RNLS: variants seen among roughly 807,000 people sequenced by gnomAD.
The protein encoded by RNLS is renalase, FAD dependent amine oxidase, also known as renalase.
In RNLS, 39 loss-of-function variants were observed where a neutral mutation model predicts 39.8. The observed-to-expected ratio is 0.98, with a 90% CI of 0.76 to 1.28. RNLS has a LOEUF of 1.28. RNLS is among the 50% of genes most tolerant of loss of function. The pLI is 0.00. For synonymous variants in RNLS, 147 were observed against 150.7 expected (o/e 0.98, Z 0.18); for missense variants, 410 against 413.3 (o/e 0.99, Z 0.07).
At chr10:88,353,694 T>C (rs1848915415) in intron 5 of RNLS, among the ~76,000 whole-genome samples, 1 of 152,236 alleles carries the variant, frequency 6.6e-6, no homozygotes, top group African/African-American at 2.4e-5. Context: ...TCTGTTGATT[T>C]GAGGTGGAGA....
intron 2 of RNLS, among the ~76,000 whole-genome samples, chr10:88,581,994 A>G (rs1386864042): frequency 6.6e-6 from 1 of 152,266 alleles, no homozygotes; most frequent in African/African-American, 2.4e-5. Context: ...ATGAAAACAA[A>G]CAAATGTATT....
rs934387640 is a variant in RNLS at position 88,583,271 on chromosome 10, G to A, written c.-81C>T. The A allele has an allele frequency of 1.3e-6, 2 of 1,573,614 alleles. No individual in the cohort carries two copies. Among genetic ancestry groups the A allele is most frequent in the African/African-American group, 1.4e-5 (1 of 74,056 alleles). ...GGCTTTCTGGAAAGGCGGCCGAACC[G>A]GCGCTAGCGCTCTTTGGTTCCGTGC... On this transcript the variant is annotated 5_prime_UTR_variant, in exon 1 of 7. Transcript: ENST00000331772.
chr10:88,362,633 C>T lies in RNLS; in HGVS notation c.619G>A (p.Asp207Asn), dbSNP rs1820575691. 1.2e-6 allele frequency: 2 copies of T among 1,613,928 alleles called. No homozygotes were observed. The highest frequency in any genetic ancestry group is 8.5e-7 in the Non-Finnish European group (1 of 1,179,918). ...GLFYEAGTKI[D>N]VPWAGQYITS... Reference sequence around the variant, plus strand: ...ATGTACTGCCCAGCCCAAGGGACATCAATCTTCGTACCAGCTTCATAAAAG... The same window carrying T: ...ATGTACTGCCCAGCCCAAGGGACATTAATCTTCGTACCAGCTTCATAAAAG... Residue 207 changes from aspartate to asparagine, a missense_variant, in exon 5 of 7, where the codon GAT (aspartate) becomes AAT (asparagine). Transcript: ENST00000331772.
chr10:88,314,324 G>A (rs1334811399), intron 6 of RNLS, 142 bp downstream of exon 6: 5 of 788,298 alleles, frequency 6.3e-6, no homozygotes, highest in Non-Finnish European at 8.0e-6. Flanking sequence ...TTATATTTAT[G>A]TGTTGGGCAA....
At chr10:88,215,222 T>C in the RNLS span, among the ~76,000 whole-genome samples, 1 of 151,960 alleles carries the variant, frequency 6.6e-6, no homozygotes, top group African/African-American at 2.4e-5. Context: ...AATGGCTACC[T>C]ATTATTGAGT....
the RNLS span, among the ~76,000 whole-genome samples, chr10:88,190,074 C>T: frequency 6.6e-6 from 1 of 152,230 alleles, no homozygotes; most frequent in East Asian, 1.9e-4. Flanking sequence ...GGGATCAACC[C>T]TGTGTTTGGG....
intron 4 of RNLS, among the ~76,000 whole-genome samples, chr10:88,485,910 T>C (rs753910602): frequency 1.1e-4 from 16 of 152,046 alleles, no homozygotes; most frequent in African/African-American, 3.9e-4. Context: ...ACCAGTGGTA[T>C]AAAGTAACCT....
At chr10:88,571,978 G>T (rs1849864963) in intron 4 of RNLS, among the ~76,000 whole-genome samples, 1 of 152,114 alleles carries the variant, frequency 6.6e-6, no homozygotes, top group East Asian at 1.9e-4. Context: ...CATCTGTGCT[G>T]AGTCAAAGTG....
chr10:88,380,403 T>C, intron 4 of RNLS, among the ~76,000 whole-genome samples: 1 of 129,544 alleles, frequency 7.7e-6, no homozygotes, highest in Admixed American at 9.4e-5. Flanking sequence ...GACGACGGAG[T>C]CTCTCTCTGT....
At chr10:88,248,051 T>A in the RNLS span, among the ~76,000 whole-genome samples, 1 of 152,252 alleles carries the variant, frequency 6.6e-6, no homozygotes, top group East Asian at 1.9e-4. Flanking sequence ...TGTAAGATGA[T>A]ACGTACATGT....
intron 4 of RNLS, among the ~76,000 whole-genome samples, chr10:88,503,913 A>C (rs1845639326): frequency 6.6e-6 from 1 of 152,152 alleles, no homozygotes; most frequent in Non-Finnish European, 1.5e-5. Flanking sequence ...AGGTGGATGA[A>C]TATGCTTTCT....
intron 4 of RNLS, among the ~76,000 whole-genome samples, chr10:88,563,740 G>C (rs1393266748): frequency 6.6e-6 from 1 of 151,910 alleles, no homozygotes; most frequent in Non-Finnish European, 1.5e-5. Context: ...GAGTATCCCT[G>C]GAAAGTTAGA....
intron 4 of RNLS, among the ~76,000 whole-genome samples, chr10:88,439,836 G>A (rs1171649196): frequency 1.3e-5 from 2 of 152,170 alleles, no homozygotes; most frequent in Admixed American, 1.3e-4. Context: ...AGTTTCAACT[G>A]TCTGGACTGT....
intron 5 of RNLS, among the ~76,000 whole-genome samples, chr10:88,350,158 T>G (rs1010367980): frequency 2.0e-5 from 3 of 152,118 alleles, no homozygotes; most frequent in Non-Finnish European, 4.4e-5. Context: ...CTTAAAAAGT[T>G]TTGCCTGTCT....
chr10:88,539,368 G>T (rs1847930639), intron 4 of RNLS, among the ~76,000 whole-genome samples: 1 of 152,098 alleles, frequency 6.6e-6, no homozygotes. Flanking sequence ...TGACAAAGGA[G>T]AATGCAGAAA....
chr10:88,384,141 T>C (rs1049604616), intron 4 of RNLS, among the ~76,000 whole-genome samples: 1 of 152,208 alleles, frequency 6.6e-6, no homozygotes, highest in African/African-American at 2.4e-5. Flanking sequence ...AAGTCTAACA[T>C]ATTTACTTTT....
chr10:88,473,797 G>A (rs1049030141), intron 4 of RNLS, among the ~76,000 whole-genome samples: 7 of 152,132 alleles, frequency 4.6e-5, no homozygotes, highest in African/African-American at 1.7e-4. Flanking sequence ...TCAGGGCTCA[G>A]TGTATAAGAC....
intron 4 of RNLS, among the ~76,000 whole-genome samples, chr10:88,427,708 A>G (rs957221068): frequency 3.3e-5 from 5 of 152,016 alleles, no homozygotes; most frequent in African/African-American, 1.2e-4. Context: ...ACAGAGAGAA[A>G]TCAGTCATAT....
At chr10:88,220,754 T>C in the RNLS span, among the ~76,000 whole-genome samples, 426 of 152,336 alleles carry the variant, frequency 2.8e-3, 2 homozygotes, top group Middle Eastern at 0.01. Context: ...TATTCATGAC[T>C]GGACCTGACC....
Sources: allele counts gnomAD v4.1 joint callset (sites outside exome capture counted in the v4.1 genomes callset), GRCh38; gene constraint gnomAD v4.1.1; transcripts MANE v1.5; gene names NCBI Gene and HGNC (gene_info 2026-07-23, HGNC 2026-07-21).